DCDC2C: variants seen among roughly 807,000 people sequenced by gnomAD.
DCDC2C encodes doublecortin domain-containing protein 2C.
In DCDC2C, 44 loss-of-function variants were observed where a neutral mutation model predicts 45.0. The observed-to-expected ratio is 0.98, with a 90% confidence interval of 0.77 to 1.26. The LOEUF (loss-of-function observed/expected upper bound fraction) is 1.26. Ranked by LOEUF, DCDC2C falls within the 50% of genes most tolerant of loss-of-function variation. DCDC2C has a pLI of 0.00. For missense variants in DCDC2C, 447 were observed against 468.9 expected, an observed-to-expected ratio of 0.95 and a Z score of 0.43; for synonymous variants, 187 against 178.8, an observed-to-expected ratio of 1.05 and a Z score of -0.37.
At chr2:3,769,749 C>A (rs980362838) in intron 8 of DCDC2C, among the ~76,000 whole-genome samples, 1 of 152,220 alleles carries the variant, frequency 6.6e-6, no homozygotes, top group African/African-American at 2.4e-5. Context: ...CACTGTTGGG[C>A]CCTGTACCTC....
At chr2:3,801,731 C>T (rs1026187454) in intron 10 of DCDC2C, among the ~76,000 whole-genome samples, 2 of 152,248 alleles carry the variant, frequency 1.3e-5, no homozygotes, top group African/African-American at 4.8e-5. Context: ...TGGGAGCTTA[C>T]AGACTCCTCC....
chr2:3,710,113 C>G (rs1668167329), intron 2 of DCDC2C, among the ~76,000 whole-genome samples: 2 of 152,094 alleles, frequency 1.3e-5, no homozygotes, highest in Non-Finnish European at 2.9e-5. Flanking sequence ...ACAGAGGTGT[C>G]AAAAATACTG....
intron 10 of DCDC2C, among the ~76,000 whole-genome samples, chr2:3,821,379 C>T (rs1422702762): frequency 2.6e-5 from 4 of 151,726 alleles, no homozygotes; most frequent in African/African-American, 7.3e-5. Flanking sequence ...TTTTTTTTTC[C>T]TATGTGGATG....
chr2:3,808,051 G>GCT (rs1351805951), intron 10 of DCDC2C, among the ~76,000 whole-genome samples: 1 of 152,192 alleles, frequency 6.6e-6, no homozygotes, highest in Non-Finnish European at 1.5e-5. Context: ...GAGTGGGATC[G>GCT]CTGAGTCATG....
At chr2:3,776,094 T>C (rs952471742) in intron 8 of DCDC2C, among the ~76,000 whole-genome samples, 1 of 152,188 alleles carries the variant, frequency 6.6e-6, no homozygotes, top group African/African-American at 2.4e-5. Flanking sequence ...ATATATCCCC[T>C]CCTTCCAGAT....
At chr2:3,710,887 C>G (rs1242658663) in intron 2 of DCDC2C, among the ~76,000 whole-genome samples, 1 of 152,188 alleles carries the variant, frequency 6.6e-6, no homozygotes, top group African/African-American at 2.4e-5. Flanking sequence ...GATTCAATGA[C>G]TTTGCTATAC....
chr2:3,785,866 G>A (rs938222413), intron 10 of DCDC2C, among the ~76,000 whole-genome samples: 13 of 152,090 alleles, frequency 8.5e-5, no homozygotes, highest in Admixed American at 2.6e-4. Context: ...CACACCCTGG[G>A]GACTTGAATC....
intron 2 of DCDC2C, among the ~76,000 whole-genome samples, chr2:3,714,989 CAT>C (rs1332698697): frequency 6.6e-6 from 1 of 152,170 alleles, no homozygotes; most frequent in African/African-American, 2.4e-5. Context: ...AAAAGAAAAA[CAT>C]ATTCATAATC....
chr2:3,720,658 T>C (rs1229760876), intron 2 of DCDC2C, among the ~76,000 whole-genome samples: 1 of 152,212 alleles, frequency 6.6e-6, no homozygotes, highest in African/African-American at 2.4e-5. Flanking sequence ...GCTGAGATGA[T>C]CAGATGATTT....
intron 10 of DCDC2C, among the ~76,000 whole-genome samples, chr2:3,810,851 G>A (rs999837951): frequency 6.6e-6 from 1 of 152,138 alleles, no homozygotes; most frequent in Admixed American, 6.5e-5. Context: ...TTTCCCCATT[G>A]CTTGTTTTTG....
intron 2 of DCDC2C, among the ~76,000 whole-genome samples, chr2:3,718,410 A>G (rs1367573184): frequency 6.6e-6 from 1 of 151,990 alleles, no homozygotes; most frequent in African/African-American, 2.4e-5. Flanking sequence ...GGAGAGCATC[A>G]GTTCTCCTTA....
chr2:3,803,394 C>G (rs550324915), intron 10 of DCDC2C, among the ~76,000 whole-genome samples: 1 of 152,306 alleles, frequency 6.6e-6, no homozygotes, highest in African/African-American at 2.4e-5. Context: ...AAGCACAGAC[C>G]TTGCGTCCTA....
intron 3 of DCDC2C, among the ~76,000 whole-genome samples, chr2:3,735,390 A>G (rs1396440710): frequency 6.6e-6 from 1 of 151,910 alleles, no homozygotes; most frequent in Non-Finnish European, 1.5e-5. Flanking sequence ...CATTAGGTGT[A>G]TCTCCTAAAG....
At chr2:3,829,982 C>T (rs1671913827) in intron 10 of DCDC2C, among the ~76,000 whole-genome samples, 1 of 152,216 alleles carries the variant, frequency 6.6e-6, no homozygotes, top group African/African-American at 2.4e-5. Context: ...AGTGGCTGCC[C>T]TCTGTGAAGA....
chr2:3,796,889 G>A (rs7597196), intron 10 of DCDC2C, among the ~76,000 whole-genome samples: 19,794 of 151,970 alleles, frequency 0.13, 1,424 homozygotes, highest in East Asian at 0.28. Flanking sequence ...TTCATAAAAT[G>A]AGTTACGGAG....
chr2:3,797,297 T>C (rs1198619136), intron 10 of DCDC2C, among the ~76,000 whole-genome samples: 1 of 151,798 alleles, frequency 6.6e-6, no homozygotes, highest in Non-Finnish European at 1.5e-5. Context: ...TCTATCAATT[T>C]TGTTGATCCT....
chr2:3,823,620 G>A (rs2148226541), intron 10 of DCDC2C, among the ~76,000 whole-genome samples: 1 of 152,198 alleles, frequency 6.6e-6, no homozygotes, highest in South Asian at 2.1e-4. Context: ...TGTATTTTGG[G>A]ACTCATGTTA....
At chr2:3,751,231 C>T (rs1227746475) in intron 4 of DCDC2C, among the ~76,000 whole-genome samples, 1 of 152,244 alleles carries the variant, frequency 6.6e-6, no homozygotes, top group Non-Finnish European at 1.5e-5. Context: ...TTAGGACCAT[C>T]GTCAGTCCCC....
intron 10 of DCDC2C, among the ~76,000 whole-genome samples, chr2:3,799,493 G>T (rs2148200046): frequency 6.6e-6 from 1 of 152,218 alleles, no homozygotes; most frequent in South Asian, 2.1e-4. Context: ...CCCCATCTTT[G>T]TGGTTTTATC....
Sources: allele counts gnomAD v4.1 joint callset (sites outside exome capture counted in the v4.1 genomes callset), GRCh38; gene constraint gnomAD v4.1.1; transcripts MANE v1.5; gene names NCBI Gene and HGNC (gene_info 2026-07-23, HGNC 2026-07-21).